Variants in DOCK7 observed in about 807,000 individuals in gnomAD.
The protein encoded by DOCK7 is dedicator of cytokinesis 7, also known as dedicator of cytokinesis protein 7.
A neutral mutation model predicts 271.0 loss-of-function variants in DOCK7; 138 were observed. That is an observed-to-expected ratio of 0.51 (90% CI 0.44 to 0.59). The LOEUF (loss-of-function observed/expected upper bound fraction) is 0.59. Among genes scored for constraint, DOCK7 ranks in the 20% least tolerant of loss-of-function variants. The pLI, the probability that DOCK7 is intolerant of heterozygous loss-of-function variation, is 0.00. For synonymous variants in DOCK7, 823 were observed against 876.1 expected (o/e 0.94, Z 1.07); for missense variants, 2,066 against 2,592.4 (o/e 0.80, Z 4.41).
chr1:62,676,904 C>T lies in DOCK7; in HGVS notation c.38+11323G>A, dbSNP rs200550013. Among the ~76,000 whole-genome samples the T allele has an allele frequency of 9.2e-5, 14 of 152,258 alleles. No homozygotes were observed. The East Asian group carries it at 2.7e-3, about 29-fold the overall frequency. On this transcript the variant is annotated intron_variant, in intron 1 of 49. Coordinates refer to ENST00000635253, the MANE Select transcript of DOCK7 (RefSeq NM_001367561.1). The stretch of plus-strand genomic sequence containing the variant: ...GAGGGCTATGAGTTGGTACTAAGAT[C>T]TAGGCTAAACTGTAAAAAGTTAAGG...
At chr1:62,669,852 C>G (rs1050538886) in intron 1 of DOCK7, among the ~76,000 whole-genome samples, 1 of 152,188 alleles carries the variant, frequency 6.6e-6, no homozygotes, top group Admixed American at 6.5e-5. Context: ...TGGCCAAGGC[C>G]GGAGCCCACT....
intron 22 of DOCK7, among the ~76,000 whole-genome samples, chr1:62,552,229 A>G (rs1216276398): frequency 6.6e-6 from 1 of 151,842 alleles, no homozygotes; most frequent in Admixed American, 6.6e-5. Context: ...GGGTGGGGGA[A>G]GCGTTCTCTT....
At chr1:62,667,436 G>C (rs1659442201) in intron 1 of DOCK7, among the ~76,000 whole-genome samples, 1 of 152,228 alleles carries the variant, frequency 6.6e-6, no homozygotes, top group Admixed American at 6.5e-5. Flanking sequence ...GAGAGCAGCT[G>C]ACACTGCAGT....
At position 62,620,090 on chromosome 1, in the gene DOCK7, C is replaced by T. The variant is rs1057211592; in HGVS notation, c.1426-97G>A. On this transcript the variant is annotated intron_variant, in intron 12 of 49. Coordinates refer to ENST00000635253, the MANE Select transcript of DOCK7 (RefSeq NM_001367561.1). ...ATCCTAGCACTTTGGGAGGCTGAGG[C>T]GGGCGGATCATATGAGGTCAAGAGT... 3.8e-5 allele frequency: 33 copies of T among 869,806 alleles called. No homozygotes were observed. The African/African-American group carries it at 4.7e-4, about 12-fold the overall frequency. 53.9% of individuals were successfully genotyped at this position (869,806 alleles called of 1,614,324 possible).
intron 1 of DOCK7, among the ~76,000 whole-genome samples, chr1:62,671,019 G>A (rs899723617): frequency 5.3e-5 from 8 of 151,280 alleles, no homozygotes; most frequent in Admixed American, 2.6e-4. Flanking sequence ...CGGGAGGAAC[G>A]AACAACTCCA....
intron 14 of DOCK7, among the ~76,000 whole-genome samples, chr1:62,594,578 A>AAT (rs1387299639): frequency 3.9e-5 from 6 of 152,100 alleles, no homozygotes; most frequent in Non-Finnish European, 8.8e-5. Context: ...CATTAACTAA[A>AAT]AAAGGGGCTA....
intron 7 of DOCK7, among the ~76,000 whole-genome samples, chr1:62,638,819 C>A (rs1454121987): frequency 2.0e-5 from 3 of 151,418 alleles, no homozygotes; most frequent in Non-Finnish European, 4.4e-5. Flanking sequence ...AACTGTCCTG[C>A]CAATTTATTG....
intron 43 of DOCK7, among the ~76,000 whole-genome samples, chr1:62,479,550 TTAAG>T (rs1489863041): frequency 3.3e-5 from 5 of 152,184 alleles, no homozygotes; most frequent in East Asian, 3.9e-4. Flanking sequence ...AAATTCTGAC[TTAAG>T]TAATAAAGGC....
chr1:62,505,131 A>G (rs1269663679), intron 36 of DOCK7, among the ~76,000 whole-genome samples: 2 of 152,222 alleles, frequency 1.3e-5, no homozygotes, highest in African/African-American at 2.4e-5. Flanking sequence ...ATAATACGTA[A>G]GTTATTTTCA....
chr1:62,510,037 T>C (rs974257295), intron 34 of DOCK7, among the ~76,000 whole-genome samples: 1 of 152,208 alleles, frequency 6.6e-6, no homozygotes, highest in African/African-American at 2.4e-5. Flanking sequence ...AAAAAAATTT[T>C]AGCCCCTTGA....
At chr1:62,684,029 CAGG>C (rs1243821294) in intron 1 of DOCK7, among the ~76,000 whole-genome samples, 2 of 152,110 alleles carry the variant, frequency 1.3e-5, no homozygotes, top group Admixed American at 1.3e-4. Flanking sequence ...CACCTGAGGT[CAGG>C]AGTTCGAGAC....
intron 1 of DOCK7, among the ~76,000 whole-genome samples, chr1:62,670,888 G>A (rs565196577): frequency 5.3e-5 from 8 of 152,044 alleles, no homozygotes; most frequent in Non-Finnish European, 7.4e-5. Context: ...TTGTTCTTTC[G>A]CTCTTTGCAA....
intron 31 of DOCK7, among the ~76,000 whole-genome samples, chr1:62,519,880 A>T (rs1303709765): frequency 6.6e-6 from 1 of 152,230 alleles, no homozygotes; most frequent in Non-Finnish European, 1.5e-5. Flanking sequence ...TAACCAAAAC[A>T]GCAGGTACTG....
chr1:62,510,623 T>A lies in DOCK7; in HGVS notation c.4333A>T (p.Arg1445Trp). The A allele has an allele frequency of 3.1e-6, 5 of 1,613,492 alleles. No homozygotes were observed. The highest frequency in any genetic ancestry group is 3.4e-6 in the Non-Finnish European group (4 of 1,179,636). ...AFGSQENLRW[R>W]KDMTHWRQNT... ...TGACGCCAGTGAGTCATATCTTTCCTCCACCTCAAATTTTCTTGACTTCCA... is the reference window on the plus strand; with the variant it reads ...TGACGCCAGTGAGTCATATCTTTCCACCACCTCAAATTTTCTTGACTTCCA... The change falls in exon 34 of 50, where the codon AGG becomes TGG. Residue 1445 changes from arginine (R) to tryptophan (W), a missense_variant. Physicochemically the swap from Arg to Trp is moderately radical, Grantham distance 101. This residue lies in a region of DOCK7 where 652 missense variants were observed against 922.1 expected (regional missense o/e 0.71). Transcript: ENST00000635253.
At chr1:62,508,836 A>G (rs911561902) in intron 34 of DOCK7, among the ~76,000 whole-genome samples, 3 of 152,202 alleles carry the variant, frequency 2.0e-5, no homozygotes, top group African/African-American at 7.2e-5. Flanking sequence ...GCAAATAAAA[A>G]TGTAAGAATA....
At chr1:62,658,237 T>C (rs1338579065) in intron 2 of DOCK7, among the ~76,000 whole-genome samples, 1 of 151,864 alleles carries the variant, frequency 6.6e-6, no homozygotes, top group Non-Finnish European at 1.5e-5. Context: ...GCAGATCACC[T>C]GAGGTTAGGA....
intron 14 of DOCK7, among the ~76,000 whole-genome samples, chr1:62,587,224 ATCATAGACAAACT>A (rs1243876426): frequency 1.3e-5 from 2 of 150,982 alleles, no homozygotes; most frequent in Non-Finnish European, 3.0e-5. Context: ...CATCATCTCT[ATCATAGACAAACT>A]TTAATAGTCC....
chr1:62,475,467 C>G, intron 46 of DOCK7, 116 bp from the exon 47 acceptor site: 1 of 1,242,560 alleles, frequency 8.0e-7, no homozygotes, highest in Non-Finnish European at 1.1e-6. Flanking sequence ...TTTCATGTAA[C>G]AATAAAATTC....
intron 37 of DOCK7, among the ~76,000 whole-genome samples, chr1:62,498,944 G>A (rs1192452479): frequency 6.6e-6 from 1 of 152,100 alleles, no homozygotes; most frequent in Non-Finnish European, 1.5e-5. Context: ...TGGGATTACA[G>A]GCGCCCGCCA....
Sources: allele counts gnomAD v4.1 joint callset (sites outside exome capture counted in the v4.1 genomes callset), GRCh38; gene constraint gnomAD v4.1.1; regional missense constraint gnomAD v4.1.1; transcripts MANE v1.5; gene names NCBI Gene and HGNC (gene_info 2026-07-23, HGNC 2026-07-21).